The following SH3RF2 variants were observed in gnomAD, a reference collection of about 807,000 sequenced individuals.
The protein encoded by SH3RF2 is E3 ubiquitin-protein ligase SH3RF2.
Under a neutral mutation model 59.0 loss-of-function variants are expected in SH3RF2, and 43 were observed. The observed-to-expected ratio is 0.73, with a 90% CI of 0.57 to 0.94. The LOEUF is 0.94. Ranked by LOEUF, SH3RF2 falls within the 40% of genes least tolerant of loss-of-function variation. The pLI is 0.00. For missense variants in SH3RF2, 930 were observed against 940.1 expected, an observed-to-expected ratio of 0.99 and a Z score of 0.14; for synonymous variants, 391 against 391.5, an observed-to-expected ratio of 1.00 and a Z score of 0.01.
At chr5:146,017,888 C>G (rs555579700) in intron 5 of SH3RF2, among the ~76,000 whole-genome samples, 6 of 152,114 alleles carry the variant, frequency 3.9e-5, no homozygotes, top group African/African-American at 1.4e-4. Flanking sequence ...TCTTGCAAAC[C>G]CAAATCCTTT....
Position 146,049,186 on chromosome 5 carries a change from C to T in SH3RF2, c.1263C>T (p.Val421=). 1 of 1,614,086 alleles carries T rather than the reference C, an allele frequency of 6.2e-7. No individual in the cohort carries two copies. The highest frequency in any genetic ancestry group is 8.5e-7 in the Non-Finnish European group (1 of 1,180,006). ...GKCQDGWLRG[V]SLVTGRVGIF... is the part of the protein sequence containing the mutation. ...GCCAGGACGGCTGGCTCAGGGGCGTCTCCTTGGTCACCGGGCGAGTCGGCA... is the reference window on the plus strand; with the variant it reads ...GCCAGGACGGCTGGCTCAGGGGCGTTTCCTTGGTCACCGGGCGAGTCGGCA... The change falls in exon 7 of 10, where the codon GTC becomes GTT. Residue 421 remains valine, a synonymous_variant. Coordinates refer to ENST00000359120, the MANE Select transcript of SH3RF2 (RefSeq NM_152550.4).
At chr5:146,060,672 A>T (rs184967759) in intron 9 of SH3RF2, among the ~76,000 whole-genome samples, 1 of 152,318 alleles carries the variant, frequency 6.6e-6, no homozygotes, top group East Asian at 1.9e-4. Context: ...ATTAAACGAG[A>T]TATGTGAAGT....
chr5:145,942,862 C>G (rs1440578787), intron 2 of SH3RF2, among the ~76,000 whole-genome samples: 1 of 152,116 alleles, frequency 6.6e-6, no homozygotes, highest in Non-Finnish European at 1.5e-5. Flanking sequence ...TCTTTTATTG[C>G]TTACTGTAGC....
intron 7 of SH3RF2, among the ~76,000 whole-genome samples, chr5:146,055,616 A>T (rs2150019181): frequency 6.6e-6 from 1 of 152,358 alleles, no homozygotes; most frequent in Admixed American, 6.5e-5. Flanking sequence ...TTGCCACTGT[A>T]AAACGAAATA....
At chr5:146,017,713 T>C (rs531104614) in intron 5 of SH3RF2, among the ~76,000 whole-genome samples, 37 of 152,264 alleles carry the variant, frequency 2.4e-4, no homozygotes, top group African/African-American at 8.2e-4. Flanking sequence ...TTATTGCTAT[T>C]GCCCATTCCA....
intron 2 of SH3RF2, among the ~76,000 whole-genome samples, chr5:145,944,122 G>A (rs554841822): frequency 6.6e-6 from 1 of 152,110 alleles, no homozygotes; most frequent in Non-Finnish European, 1.5e-5. Context: ...CATCCAAAAT[G>A]CTCCAAAATC....
At chr5:146,033,451 CTTTT>C (rs558717056) in intron 5 of SH3RF2, among the ~76,000 whole-genome samples, 84 of 71,820 alleles carry the variant, frequency 1.2e-3, no homozygotes, top group African/African-American at 7.6e-3. Flanking sequence ...TAGCCCTTAG[CTTTT>C]TTTTTTTTTT....
intron 2 of SH3RF2, among the ~76,000 whole-genome samples, chr5:145,951,308 G>A (rs547701943): frequency 2.5e-4 from 38 of 152,290 alleles, no homozygotes; most frequent in Admixed American, 8.5e-4. Flanking sequence ...GGCTCATCTT[G>A]CAGCACAGTA....
Position 146,049,177 on chromosome 5 carries a change from CA to C in SH3RF2, c.1255del (p.Arg419GlyfsTer73). The part of the protein sequence containing the change: ...VLGKCQDGWL[R>X]GVSLVTGRVG... ...TGGGGAAGTGCCAGGACGGCTGGCT[CA>C]GGGGCGTCTCCTTGGTCACCGGGCG... On this transcript the variant is annotated frameshift_variant, in exon 7 of 10. Transcript: ENST00000359120. LOFTEE classifies it high-confidence loss of function. The C allele has an allele frequency of 1.2e-6, 2 of 1,614,122 alleles. No homozygotes were observed. Among genetic ancestry groups the C allele is most frequent in the Non-Finnish European group, 1.7e-6 (2 of 1,180,030 alleles).
chr5:146,010,280 G>C (rs1200363087), intron 4 of SH3RF2, among the ~76,000 whole-genome samples: 2 of 152,198 alleles, frequency 1.3e-5, no homozygotes, highest in Non-Finnish European at 2.9e-5. Context: ...GTCTATCAGT[G>C]ATGGACATTT....
chr5:145,986,749 C>T (rs891188384), intron 2 of SH3RF2, among the ~76,000 whole-genome samples: 1 of 152,042 alleles, frequency 6.6e-6, no homozygotes, highest in African/African-American at 2.4e-5. Context: ...TGGATTACCT[C>T]CTAGGATAGG....
intron 2 of SH3RF2, among the ~76,000 whole-genome samples, chr5:145,996,274 A>T (rs1028708922): frequency 6.6e-6 from 1 of 152,202 alleles, no homozygotes; most frequent in Non-Finnish European, 1.5e-5. Context: ...GAACAGCAAG[A>T]CTGCTACAAT....
At chr5:146,066,484 T>C (rs1763108903), downstream of SH3RF2, among the ~76,000 whole-genome samples, 1 of 152,170 alleles carries the variant, frequency 6.6e-6, no homozygotes, top group Non-Finnish European at 1.5e-5. Context: ...TAATAAATTT[T>C]AGACTGGGAT....
At chr5:145,998,499 GA>G (rs35057840) in intron 2 of SH3RF2, among the ~76,000 whole-genome samples, 93,088 of 151,850 alleles carry the variant, frequency 0.61, 28,800 homozygotes, top group Middle Eastern at 0.8. Flanking sequence ...TGTTTTATGG[GA>G]AAAAAAAGTA....
chr5:146,052,042 C>T (rs1762518478), intron 7 of SH3RF2, among the ~76,000 whole-genome samples: 1 of 152,098 alleles, frequency 6.6e-6, no homozygotes, highest in Admixed American at 6.5e-5. Flanking sequence ...AGGATGCCTA[C>T]CCTAATTCAT....
chr5:145,936,968 T>C (rs903284650), intron 1 of SH3RF2: 1 of 152,228 alleles, frequency 6.6e-6, no homozygotes, highest in Non-Finnish European at 1.5e-5. Flanking sequence ...GAACAAGTAC[T>C]GTTTTCAGAG....
intron 8 of SH3RF2, among the ~76,000 whole-genome samples, chr5:146,057,928 G>GTCTCTC (rs58826823): frequency 0.012 from 1,586 of 133,118 alleles, 13 homozygotes; most frequent in South Asian, 0.022. Context: ...GGCTGTTAGT[G>GTCTCTC]TCTCTCTCTC....
intron 9 of SH3RF2, among the ~76,000 whole-genome samples, chr5:146,072,630 C>T (rs536570871): frequency 3.9e-5 from 6 of 152,136 alleles, no homozygotes; most frequent in African/African-American, 2.4e-5. Flanking sequence ...AACATTGCAC[C>T]ATTGCACTCC....
At chr5:145,983,704 G>A (rs992079991) in intron 2 of SH3RF2, among the ~76,000 whole-genome samples, 5 of 152,160 alleles carry the variant, frequency 3.3e-5, no homozygotes, top group Non-Finnish European at 7.3e-5. Flanking sequence ...GGAGCTGCCA[G>A]CTGGCACTTT....
Sources: allele counts gnomAD v4.1 joint callset (sites outside exome capture counted in the v4.1 genomes callset), GRCh38; gene constraint gnomAD v4.1.1; transcripts MANE v1.5; gene names NCBI Gene and HGNC (gene_info 2026-07-23, HGNC 2026-07-21).